Variants in RGS7 observed in about 807,000 individuals in gnomAD.
RGS7 encodes regulator of G-protein signaling 7.
In RGS7, 27 loss-of-function variants were observed where a neutral mutation model predicts 81.1. The ratio of observed to expected loss-of-function variants is 0.33; its 90% CI spans 0.25 to 0.46. The LOEUF (loss-of-function observed/expected upper bound fraction) is 0.46, where lower values mean the gene tolerates loss of function less well. Among genes scored for constraint, RGS7 ranks in the 20% least tolerant of loss-of-function variants. The probability of loss-of-function intolerance (pLI) is 1.00; values close to 1 mark genes in which losing one functional copy is unlikely to be tolerated. For missense variants in RGS7, 396 were observed against 607.4 expected (o/e 0.65, Z 3.66); for synonymous variants, 208 against 207.7 (o/e 1.00, Z -0.01).
At chr1:241,187,308 T>C (rs1018415727) in intron 2 of RGS7, among the ~76,000 whole-genome samples, 5 of 152,146 alleles carry the variant, frequency 3.3e-5, no homozygotes, top group African/African-American at 1.2e-4. Context: ...TCCTGTGAAG[T>C]AGGTAATAGC....
intron 4 of RGS7, among the ~76,000 whole-genome samples, chr1:240,974,096 G>T (rs1683703596): frequency 6.6e-6 from 1 of 152,174 alleles, no homozygotes; most frequent in African/African-American, 2.4e-5. Flanking sequence ...ACAATGGATT[G>T]ATTTAATTCA....
At chr1:241,351,602 C>G (rs2148743787) in intron 2 of RGS7, among the ~76,000 whole-genome samples, 1 of 152,184 alleles carries the variant, frequency 6.6e-6, no homozygotes, top group African/African-American at 2.4e-5. Flanking sequence ...ACTAAATAAA[C>G]AGTGCAAATT....
Position 241,041,123 on chromosome 1 carries a change from C to G in RGS7, c.175+57543G>C, listed in dbSNP as rs201016822. Among the ~76,000 whole-genome samples, 5 of 152,102 alleles carry G rather than the reference C, an allele frequency of 3.3e-5. No homozygotes were observed. In the East Asian group the frequency reaches 9.7e-4, roughly 29 times the overall value. On this transcript the variant is annotated intron_variant, in intron 3 of 18. Transcript: ENST00000440928. ...TGTATATATTTATTCTGATTATTAC[C>G]TTTTGAAAATGAACTGAAAAAAGAC...
intron 3 of RGS7, among the ~76,000 whole-genome samples, chr1:241,064,359 G>T (rs1447146699): frequency 1.4e-5 from 2 of 144,942 alleles, no homozygotes; most frequent in East Asian, 2.1e-4. Flanking sequence ...GCCGAGGTGG[G>T]AGGATTGCTT....
chr1:240,922,882 T>C (rs186806212), intron 6 of RGS7, among the ~76,000 whole-genome samples: 3 of 152,218 alleles, frequency 2.0e-5, no homozygotes, highest in Admixed American at 6.5e-5. Context: ...TGGAAACTTA[T>C]GTCTTCAAAA....
chr1:240,975,274 C>T (rs182531048), intron 4 of RGS7, among the ~76,000 whole-genome samples: 85 of 152,106 alleles, frequency 5.6e-4, no homozygotes, highest in African/African-American at 1.8e-3. Context: ...TGCTGGTGTG[C>T]GCCTGTAGTC....
At chr1:241,107,587 T>C (rs921290193) in intron 2 of RGS7, among the ~76,000 whole-genome samples, 2 of 152,204 alleles carry the variant, frequency 1.3e-5, no homozygotes, top group African/African-American at 4.8e-5. Context: ...TCTGTTAACA[T>C]TTCTGTCTCT....
chr1:241,213,426 A>C (rs1293521212), intron 2 of RGS7, among the ~76,000 whole-genome samples: 1 of 152,240 alleles, frequency 6.6e-6, no homozygotes, highest in Non-Finnish European at 1.5e-5. Flanking sequence ...TGGAAACGGC[A>C]GAACGTCATT....
intron 4 of RGS7, among the ~76,000 whole-genome samples, chr1:240,952,974 A>T (rs1679809168): frequency 6.6e-6 from 1 of 151,976 alleles, no homozygotes; most frequent in Admixed American, 6.5e-5. Context: ...TTATCTAAAG[A>T]GATCAATTCT....
At chr1:241,071,874 C>CCAAAAAAAAAAAAA (rs2062474193) in intron 3 of RGS7, among the ~76,000 whole-genome samples, 1 of 56,856 alleles carries the variant, frequency 1.8e-5, no homozygotes, top group Non-Finnish European at 2.9e-5. Context: ...GAGACCCTGT[C>CCAAAAAAAAAAAAA]AAAAAAAAAA....
At chr1:241,049,477 T>C (rs1315431160) in intron 3 of RGS7, among the ~76,000 whole-genome samples, 1 of 152,252 alleles carries the variant, frequency 6.6e-6, no homozygotes, top group Non-Finnish European at 1.5e-5. Context: ...AGAGACCCTG[T>C]AGTCCTCATC....
chr1:241,351,035 A>C lies in RGS7; in HGVS notation c.78+4664T>G, dbSNP rs2083214469. On this transcript the variant is annotated intron_variant, in intron 2 of 18. Coordinates refer to ENST00000440928, the MANE Select transcript of RGS7 (RefSeq NM_001364886.1). ...CAAAGACAATGCTTAGATCAAGCCAATCAGCGTAAGTACTCTTCCTGGTTG... is the reference window on the plus strand; with the variant it reads ...CAAAGACAATGCTTAGATCAAGCCACTCAGCGTAAGTACTCTTCCTGGTTG... 2.0e-5 allele frequency among the ~76,000 whole-genome samples: 3 copies of C among 152,198 alleles called. No individual in the cohort carries two copies. The South Asian group carries it at 6.2e-4, about 31-fold the overall frequency.
At chr1:240,814,148 C>A (rs2103108993) in intron 12 of RGS7, among the ~76,000 whole-genome samples, 1 of 152,072 alleles carries the variant, frequency 6.6e-6, no homozygotes, top group African/African-American at 2.4e-5. Flanking sequence ...AAAATGGGAG[C>A]CACTGACAAG....
At chr1:240,787,642 C>T (rs1275206853) in intron 18 of RGS7, among the ~76,000 whole-genome samples, 1 of 151,902 alleles carries the variant, frequency 6.6e-6, no homozygotes, top group Non-Finnish European at 1.5e-5. Flanking sequence ...CATATGATAA[C>T]CTTGGTTTAA....
intron 2 of RGS7, among the ~76,000 whole-genome samples, chr1:241,134,596 C>T (rs1256772262): frequency 6.6e-6 from 1 of 152,148 alleles, no homozygotes; most frequent in Non-Finnish European, 1.5e-5. Flanking sequence ...CCCACACCTA[C>T]GCCATAGAAG....
chr1:240,855,047 T>A (rs917215930), intron 9 of RGS7, among the ~76,000 whole-genome samples: 1 of 152,156 alleles, frequency 6.6e-6, no homozygotes, highest in Non-Finnish European at 1.5e-5. Context: ...CATCTCTTTA[T>A]AGAAAATTAA....
At chr1:241,343,910 C>A (rs1001297748) in intron 2 of RGS7, among the ~76,000 whole-genome samples, 4 of 152,136 alleles carry the variant, frequency 2.6e-5, no homozygotes, top group Non-Finnish European at 5.9e-5. Context: ...AAGAAGACTT[C>A]TTTGTGTAAA....
intron 3 of RGS7, among the ~76,000 whole-genome samples, chr1:241,092,449 G>T (rs1164438093): frequency 2.0e-5 from 3 of 152,162 alleles, no homozygotes; most frequent in Admixed American, 2.0e-4. Flanking sequence ...AATAAACATT[G>T]TAAGTTACAG....
At chr1:241,294,448 A>G (rs2079273339) in intron 2 of RGS7, among the ~76,000 whole-genome samples, 2 of 152,250 alleles carry the variant, frequency 1.3e-5, no homozygotes, top group Non-Finnish European at 2.9e-5. Flanking sequence ...TAAAACATAC[A>G]ATAAAATAAT....
Sources: gnomAD v4.1 joint callset for allele counts (sites outside exome capture counted in the v4.1 genomes callset) on GRCh38, gnomAD v4.1.1 for gene constraint, MANE v1.5 for transcripts, NCBI Gene and HGNC (gene_info 2026-07-23, HGNC 2026-07-21) for gene names.